TAF3: variants seen among roughly 807,000 people sequenced by gnomAD.
The protein encoded by TAF3 is TATA-box binding protein associated factor 3.
Under a neutral mutation model 80.6 loss-of-function variants are expected in TAF3, and 7 were observed. The ratio of observed to expected loss-of-function variants is 0.09; its 90% CI spans 0.05 to 0.16. TAF3 has a LOEUF of 0.16. Ranked by LOEUF, TAF3 falls within the 10% of genes least tolerant of loss-of-function variation. The pLI, the probability that TAF3 is intolerant of heterozygous loss-of-function variation, is 1.00. For missense variants in TAF3, 921 were observed against 1,140.2 expected (o/e 0.81, Z 2.77); for synonymous variants, 444 against 446.1 (o/e 1.00, Z 0.06).
At chr10:7,920,989 G>C (rs1165389561) in intron 2 of TAF3, among the ~76,000 whole-genome samples, 1 of 152,134 alleles carries the variant, frequency 6.6e-6, no homozygotes, top group Non-Finnish European at 1.5e-5. Context: ...CCAATCTGGA[G>C]GATATTAGTG....
At chr10:8,010,049 G>A (rs1832039738) in intron 5 of TAF3, among the ~76,000 whole-genome samples, 1 of 152,088 alleles carries the variant, frequency 6.6e-6, no homozygotes, top group African/African-American at 2.4e-5. Context: ...GGGATCACAG[G>A]CAGTCACCAC....
Position 7,964,007 on chromosome 10 carries a change from A to G in TAF3, c.497A>G (p.Glu166Gly). Residue 166 changes from glutamate to glycine, a missense_variant, in exon 3 of 7, where the codon GAG (glutamate) becomes GGG (glycine). Coordinates refer to ENST00000344293, the MANE Select transcript of TAF3 (RefSeq NM_031923.4). The surrounding 1 kb of genome is among the most constrained non-coding windows in gnomAD (Gnocchi z 4.1). ...VPLEEDDELE[E>G]EEIINDENFL... Reference sequence around the variant, plus strand: ...TTGGAAGAAGATGATGAATTGGAGGAGGAAGAAATTATTAATGATGAGAAT... The same window carrying G: ...TTGGAAGAAGATGATGAATTGGAGGGGGAAGAAATTATTAATGATGAGAAT... The G allele has an allele frequency of 6.2e-7, 1 of 1,614,138 alleles. No individual in the cohort carries two copies. The highest frequency in any genetic ancestry group is 8.5e-7 in the Non-Finnish European group (1 of 1,180,034).
At chr10:8,006,906 C>CT (rs1831999977) in intron 4 of TAF3, among the ~76,000 whole-genome samples, 1 of 152,232 alleles carries the variant, frequency 6.6e-6, no homozygotes, top group African/African-American at 2.4e-5. Flanking sequence ...CTACAACCCT[C>CT]TGAGGCCACT....
intron 2 of TAF3, among the ~76,000 whole-genome samples, chr10:7,937,788 T>C (rs1837935428): frequency 6.6e-6 from 1 of 152,246 alleles, no homozygotes; most frequent in Non-Finnish European, 1.5e-5. Flanking sequence ...TCAGCACTCT[T>C]ACATGCTTTA....
At chr10:7,990,832 A>G (rs915905179) in intron 4 of TAF3, among the ~76,000 whole-genome samples, 1 of 152,148 alleles carries the variant, frequency 6.6e-6, no homozygotes, top group African/African-American at 2.4e-5. Flanking sequence ...CCCTTATCCC[A>G]TAGACCTCCT....
At chr10:7,959,427 C>T (rs1838168619) in intron 2 of TAF3, among the ~76,000 whole-genome samples, 1 of 152,010 alleles carries the variant, frequency 6.6e-6, no homozygotes, top group Non-Finnish European at 1.5e-5. Context: ...GGAATGAATA[C>T]AAGTTTTTGC....
At position 7,909,455 on chromosome 10, in the gene TAF3, C is replaced by T. The variant is rs1306815721; in HGVS notation, c.410-54465C>T. Among the ~76,000 whole-genome samples, 3 of 152,332 alleles carry T rather than the reference C, an allele frequency of 2.0e-5. No individual in the cohort carries two copies. The East Asian group carries it at 5.8e-4, about 29-fold the overall frequency. On this transcript the variant is annotated intron_variant, in intron 2 of 6. Transcript: ENST00000344293. ...ATTAAAGACTTGATTCTACCAGAAG[C>T]TTCCTTGGACTTCACTGTGCCATTG... is the stretch of plus-strand genomic sequence containing the variant.
intron 1 of TAF3, among the ~76,000 whole-genome samples, chr10:7,822,558 C>T (rs143237663): frequency 5.9e-5 from 9 of 152,200 alleles, no homozygotes; most frequent in South Asian, 2.1e-4. Flanking sequence ...CCACAGCCCT[C>T]GCCTCTACTG....
chr10:7,842,751 A>G lies in TAF3; in HGVS notation c.409+18191A>G, dbSNP rs544497359. Among the ~76,000 whole-genome samples the G allele has an allele frequency of 1.2e-4, 18 of 152,312 alleles. No homozygotes were observed. The East Asian group carries it at 3.5e-3, about 29-fold the overall frequency. On this transcript the variant is annotated intron_variant, in intron 2 of 6. Transcript: ENST00000344293. ...TCCAAGCCCAAATTCCATCATTTGT[A>G]AAATGGGAATAGTAACCTCCATTGG...
At chr10:7,848,606 G>T (rs1023764872) in intron 2 of TAF3, among the ~76,000 whole-genome samples, 1 of 152,108 alleles carries the variant, frequency 6.6e-6, no homozygotes, top group Non-Finnish European at 1.5e-5. Context: ...TATGAAGCAG[G>T]GATGGACTTA....
chr10:7,947,888 G>A (rs1299891340), intron 2 of TAF3, among the ~76,000 whole-genome samples: 1 of 152,072 alleles, frequency 6.6e-6, no homozygotes, highest in African/African-American at 2.4e-5. Flanking sequence ...AAGAAGCAGC[G>A]GTCATATTTA....
At chr10:7,833,691 C>A in intron 2 of TAF3, 1 of 192,812 alleles carries the variant, frequency 5.2e-6, no homozygotes. Flanking sequence ...GGCATTGGCA[C>A]GGGCCATGCA....
chr10:7,889,420 C>T (rs1837438892), intron 2 of TAF3, among the ~76,000 whole-genome samples: 1 of 152,206 alleles, frequency 6.6e-6, no homozygotes, highest in Non-Finnish European at 1.5e-5. Context: ...AAGGCAAATA[C>T]TATTCACATC....
chr10:7,974,839 G>T (rs1334832133), intron 3 of TAF3, among the ~76,000 whole-genome samples: 1 of 152,130 alleles, frequency 6.6e-6, no homozygotes, highest in Non-Finnish European at 1.5e-5. Flanking sequence ...ACTTTGGGAG[G>T]TCGAGGCGGG....
At chr10:7,942,890 C>A (rs565192221) in intron 2 of TAF3, among the ~76,000 whole-genome samples, 2 of 152,334 alleles carry the variant, frequency 1.3e-5, no homozygotes, top group African/African-American at 4.8e-5. Flanking sequence ...ACAAAAATCA[C>A]ATTTGCAGGT....
chr10:7,924,985 AG>A (rs1352197469), intron 2 of TAF3, among the ~76,000 whole-genome samples: 2 of 152,214 alleles, frequency 1.3e-5, no homozygotes, highest in Admixed American at 1.3e-4. Flanking sequence ...TGCTGTTAAA[AG>A]TGAGAAATAC....
intron 2 of TAF3, among the ~76,000 whole-genome samples, chr10:7,901,980 C>T (rs559674362): frequency 6.6e-6 from 1 of 152,226 alleles, no homozygotes; most frequent in African/African-American, 2.4e-5. Flanking sequence ...TGCACGTGGA[C>T]GCTCCTCCAG....
Position 8,007,688 on chromosome 10 carries a change from T to C in TAF3, c.2316-1390T>C, listed in dbSNP as rs1187765731. 1.3e-4 allele frequency among the ~76,000 whole-genome samples: 20 copies of C among 150,064 alleles called. No individual in the cohort carries two copies. In the Admixed American group the frequency reaches 1.3e-3, roughly 10 times the overall value. ...TTTGGTTCAAAAGCTGCCACCCGTT[T>C]ACTCAAATTCCTTTCTCTTGCTGAT... On this transcript the variant is annotated intron_variant, in intron 4 of 6. Transcript: ENST00000344293.
intron 4 of TAF3, among the ~76,000 whole-genome samples, chr10:7,989,851 A>G (rs1021901294): frequency 6.6e-6 from 1 of 152,194 alleles, no homozygotes; most frequent in African/African-American, 2.4e-5. Context: ...CAAAGTTTGG[A>G]GCATAATGTT....
Sources: allele counts gnomAD v4.1 joint callset (sites outside exome capture counted in the v4.1 genomes callset), GRCh38; gene constraint gnomAD v4.1.1; non-coding constraint Gnocchi (gnomAD v3.1); transcripts MANE v1.5; gene names NCBI Gene and HGNC (gene_info 2026-07-23, HGNC 2026-07-21).